The following EPB41L2 variants were observed in gnomAD, a reference collection of about 807,000 sequenced individuals.
EPB41L2 encodes erythrocyte membrane protein band 4.1 like 2, also known as band 4.1-like protein 2.
EPB41L2 carries 43 observed loss-of-function variants against 113.0 expected under a neutral mutation model. The ratio of observed to expected loss-of-function variants is 0.38; its 90% CI spans 0.30 to 0.49. The LOEUF is 0.49. EPB41L2 is among the 20% of genes least tolerant of loss of function. The probability of loss-of-function intolerance (pLI) is 0.95; values close to 1 mark genes in which losing one functional copy is unlikely to be tolerated. For missense variants in EPB41L2, 1,147 were observed against 1,223.4 expected (o/e 0.94, Z 0.93); for synonymous variants, 442 against 436.7 (o/e 1.01, Z -0.15).
intron 3 of EPB41L2, among the ~76,000 whole-genome samples, chr6:130,936,374 CCAACAGAAGGGT>C (rs1276006056): frequency 6.6e-6 from 1 of 152,162 alleles, no homozygotes; most frequent in East Asian, 1.9e-4. Context: ...TTCTGACCCT[CCAACAGAAGGGT>C]AAGTCCTTGG....
Position 130,880,196 on chromosome 6 carries a change from A to G in EPB41L2, c.1844T>C (p.Leu615Ser). The G allele has an allele frequency of 6.2e-7, 1 of 1,608,592 alleles. No individual in the cohort carries two copies. The highest frequency in any genetic ancestry group is 8.5e-7 in the Non-Finnish European group (1 of 1,175,196). ...LQLIEGKKNSLRVEGDNIYVR... is the reference protein window; with the variant it reads ...LQLIEGKKNSSRVEGDNIYVR... Reference sequence around the variant, plus strand: ...ATAAATATTATCCCCTTCTACTCTCAAGGAATTTTTCTGTGAAATTAAATC... The same window carrying G: ...ATAAATATTATCCCCTTCTACTCTCGAGGAATTTTTCTGTGAAATTAAATC... Residue 615 changes from leucine to serine, a missense_variant, in exon 13 of 20, where the codon TTG becomes TCG. Transcript: ENST00000337057.
chr6:130,861,108 T>G (rs1269391927), intron 18 of EPB41L2, among the ~76,000 whole-genome samples: 1 of 152,152 alleles, frequency 6.6e-6, no homozygotes, highest in Non-Finnish European at 1.5e-5. Context: ...AATCTTGCTC[T>G]GTCGCCCAGG....
rs375577316 is a variant in EPB41L2, at chr6:130,867,040, C to T, written c.2730+419G>A. 1.1e-3 allele frequency among the ~76,000 whole-genome samples: 163 copies of T among 152,092 alleles called. 2 individuals are homozygous for T. In the South Asian group the frequency reaches 0.031, roughly 29 times the overall value. ...AATGAGTTGATTGGGTCAATCTTCA[C>T]GGAGTTAGAGAGGGAAAGAAGCCTA... is the stretch of plus-strand genomic sequence containing the variant. On this transcript the variant is annotated intron_variant, in intron 16 of 19. Coordinates refer to ENST00000337057, the MANE Select transcript of EPB41L2 (RefSeq NM_001431.4).
At chr6:130,898,787 C>G (rs1795404656) in intron 8 of EPB41L2, among the ~76,000 whole-genome samples, 1 of 152,060 alleles carries the variant, frequency 6.6e-6, no homozygotes, top group African/African-American at 2.4e-5. Context: ...TTTCTCAAAT[C>G]CCCCCTTAAA....
Position 130,894,445 on chromosome 6 carries a change from GAATAAA to G in EPB41L2, c.1390-10_1390-5del. The G allele has an allele frequency of 6.2e-7, 1 of 1,612,872 alleles. No homozygotes were observed. The highest frequency in any genetic ancestry group is 1.1e-5 in the South Asian group (1 of 91,026). On this transcript the variant is annotated splice_region_variant and splice_polypyrimidine_tract_variant and intron_variant, in intron 9 of 19. Transcript: ENST00000337057. ...TGGTACTCTCAAACTGTTCCAGCTG[GAATAAA>G]TCCGTAAAACAAATCAGCATATTTC...
chr6:130,985,040 C>T (rs955254387), intron 1 of EPB41L2, among the ~76,000 whole-genome samples: 4 of 152,094 alleles, frequency 2.6e-5, no homozygotes, highest in African/African-American at 9.7e-5. Flanking sequence ...CAGCCAAATG[C>T]CTAGACAGAT....
At chr6:131,053,115 C>T (rs982903432) in intron 1 of EPB41L2, among the ~76,000 whole-genome samples, 1 of 152,036 alleles carries the variant, frequency 6.6e-6, no homozygotes, top group South Asian at 2.1e-4. Flanking sequence ...AGGCTGGTCT[C>T]AAACTCCTGA....
intron 4 of EPB41L2, among the ~76,000 whole-genome samples, chr6:130,918,953 T>G (rs921670942): frequency 6.6e-6 from 1 of 152,172 alleles, no homozygotes; most frequent in African/African-American, 2.4e-5. Flanking sequence ...AAATCTATAG[T>G]GGAAGAATAA....
chr6:130,953,664 T>A (rs1170354428), intron 3 of EPB41L2, among the ~76,000 whole-genome samples: 3 of 147,938 alleles, frequency 2.0e-5, no homozygotes, highest in Non-Finnish European at 1.5e-5. Flanking sequence ...CTTAAAGTAT[T>A]AAAAAAAAAA....
chr6:130,896,880 A>G (rs1794827917), intron 8 of EPB41L2, among the ~76,000 whole-genome samples: 1 of 152,110 alleles, frequency 6.6e-6, no homozygotes, highest in South Asian at 2.1e-4. Flanking sequence ...GTATAAAGGG[A>G]GTTCTTGCAA....
rs1281584392 is a variant in EPB41L2 at position 130,880,203 on chromosome 6, T to G, written c.1837A>C (p.Asn613His). ...TTATCCCCTTCTACTCTCAAGGAAT[T>G]TTTCTGTGAAATTAAATCACACACA... ...PHLQLIEGKK[N>H]SLRVEGDNIY... The change falls in exon 13 of 20, where the codon AAT (asparagine) becomes CAT (histidine). Residue 613 changes from asparagine to histidine, a missense_variant. Coordinates refer to ENST00000337057, the MANE Select transcript of EPB41L2 (RefSeq NM_001431.4). The G allele has an allele frequency of 6.2e-7, 1 of 1,607,244 alleles. No individual in the cohort carries two copies. Among genetic ancestry groups the G allele is most frequent in the Non-Finnish European group, 8.5e-7 (1 of 1,174,156 alleles).
At chr6:130,954,342 C>T (rs918677656) in intron 3 of EPB41L2, among the ~76,000 whole-genome samples, 2 of 152,004 alleles carry the variant, frequency 1.3e-5, no homozygotes, top group East Asian at 1.9e-4. Context: ...CTTGAGCCAC[C>T]GCACCCAGCC....
intron 13 of EPB41L2, among the ~76,000 whole-genome samples, chr6:130,879,407 C>A (rs935897216): frequency 7.9e-5 from 12 of 152,102 alleles, no homozygotes; most frequent in Admixed American, 7.9e-4. Context: ...CCATCAGTTA[C>A]CAAGCTGCCA....
rs371649215 is a variant in EPB41L2 at position 130,985,981 on chromosome 6, G to A, written c.-14-29482C>T. ...AAACCCTTCCTAACCCATTCTATAG[G>A]GCCTGATACAAAAGCCAAAAAAAAC... On this transcript the variant is annotated intron_variant, in intron 1 of 19. Transcript: ENST00000337057. Among the ~76,000 whole-genome samples, 5 of 151,936 alleles carry A rather than the reference G, an allele frequency of 3.3e-5. No individual in the cohort carries two copies. The East Asian group carries it at 9.7e-4, about 29-fold the overall frequency.
At chr6:131,020,405 C>G (rs1789184210) in intron 1 of EPB41L2, among the ~76,000 whole-genome samples, 1 of 152,062 alleles carries the variant, frequency 6.6e-6, no homozygotes, top group Non-Finnish European at 1.5e-5. Flanking sequence ...GTTTCTGCAG[C>G]CTCTCTCAAG....
At chr6:130,906,919 T>A (rs1233726049) in intron 5 of EPB41L2, among the ~76,000 whole-genome samples, 1 of 152,176 alleles carries the variant, frequency 6.6e-6, no homozygotes, top group Admixed American at 6.5e-5. Flanking sequence ...AAAAGTCTAA[T>A]CTTACTGTTA....
Position 130,907,844 on chromosome 6 carries a change from T to C in EPB41L2, c.853+977A>G, listed in dbSNP as rs570732317. ...TTCAGTATTTTGACCTTAGGAATAA[T>C]AAGTAAGTAAGGAAATGAAATCAAC... On this transcript the variant is annotated intron_variant, in intron 5 of 19. Coordinates refer to ENST00000337057, the MANE Select transcript of EPB41L2 (RefSeq NM_001431.4). Among the ~76,000 whole-genome samples, 13 of 139,192 alleles carry C rather than the reference T, an allele frequency of 9.3e-5. No individual in the cohort carries two copies. The South Asian group carries it at 2.9e-3, about 31-fold the overall frequency. 91.3% of individuals were successfully genotyped at this position (139,192 alleles called of 152,430 possible).
intron 18 of EPB41L2, 90 bp downstream of exon 18, chr6:130,863,548 G>A: frequency 1.1e-6 from 1 of 869,642 alleles, no homozygotes; most frequent in East Asian, 2.5e-5. Context: ...TTGGGGAGAA[G>A]AGGTTTACAC....
At chr6:130,949,937 T>C (rs1189801562) in intron 3 of EPB41L2, among the ~76,000 whole-genome samples, 1 of 152,210 alleles carries the variant, frequency 6.6e-6, no homozygotes, top group Non-Finnish European at 1.5e-5. Flanking sequence ...TTGTTAAGAA[T>C]ACAGTATATA....
Sources: gnomAD v4.1 joint callset for allele counts (sites outside exome capture counted in the v4.1 genomes callset) on GRCh38, gnomAD v4.1.1 for gene constraint, MANE v1.5 for transcripts, NCBI Gene and HGNC (gene_info 2026-07-23, HGNC 2026-07-21) for gene names.